The following HECW1 variants were observed in gnomAD, a reference collection of about 807,000 sequenced individuals.
The protein encoded by HECW1 is HECT, C2 and WW domain containing E3 ubiquitin protein ligase 1, also known as E3 ubiquitin-protein ligase HECW1.
A neutral mutation model predicts 182.3 loss-of-function variants in HECW1; 61 were observed. The ratio of observed to expected loss-of-function variants is 0.33; its 90% CI spans 0.27 to 0.41. The LOEUF is 0.41. HECW1 is among the 10% of genes least tolerant of loss of function. The pLI is 1.00. For missense variants in HECW1, 1,739 were observed against 2,108.9 expected, an observed-to-expected ratio of 0.82 and a Z score of 3.44; for synonymous variants, 859 against 832.6, an observed-to-expected ratio of 1.03 and a Z score of -0.55.
intron 5 of HECW1, among the ~76,000 whole-genome samples, chr7:43,342,221 T>C (rs1051453339): frequency 6.6e-6 from 1 of 151,840 alleles, no homozygotes; most frequent in Non-Finnish European, 1.5e-5. Flanking sequence ...TATTTACACT[T>C]AGAGTGGAAT....
chr7:43,531,883 G>A (rs1209633154), intron 24 of HECW1, among the ~76,000 whole-genome samples: 2 of 152,132 alleles, frequency 1.3e-5, no homozygotes, highest in East Asian at 1.9e-4. Flanking sequence ...CCCTGGGTCC[G>A]CCTCTCCATC....
intron 17 of HECW1, among the ~76,000 whole-genome samples, chr7:43,482,772 G>T (rs928631996): frequency 6.6e-6 from 1 of 152,052 alleles, no homozygotes; most frequent in Non-Finnish European, 1.5e-5. Context: ...AGATGTGGTG[G>T]CGTGCACCTG....
At chr7:43,279,777 T>C (rs1343061622) in intron 3 of HECW1, among the ~76,000 whole-genome samples, 1 of 152,160 alleles carries the variant, frequency 6.6e-6, no homozygotes, top group Non-Finnish European at 1.5e-5. Flanking sequence ...TTTTTATTGG[T>C]GTATTTGTTT....
chr7:43,127,452 G>T (rs1262553351), intron 2 of HECW1, among the ~76,000 whole-genome samples: 2 of 149,404 alleles, frequency 1.3e-5, no homozygotes, highest in African/African-American at 2.5e-5. Context: ...GAACCTGGGA[G>T]GCAGAGGTTG....
intron 3 of HECW1, among the ~76,000 whole-genome samples, chr7:43,306,095 C>T (rs1807529377): frequency 6.6e-6 from 1 of 152,032 alleles, no homozygotes; most frequent in African/African-American, 2.4e-5. Flanking sequence ...CGAGGTTTCG[C>T]CATGTTGCCC....
At chr7:43,361,071 TG>T in intron 6 of HECW1, 91 bp downstream of exon 6, 2 of 713,088 alleles carry the variant, frequency 2.8e-6, no homozygotes, top group South Asian at 1.7e-5. Context: ...TGTGTGTGTG[TG>T]TGTGTGTGTG....
intron 6 of HECW1, among the ~76,000 whole-genome samples, chr7:43,387,176 A>G (rs1458887493): frequency 2.6e-5 from 4 of 151,822 alleles, no homozygotes; most frequent in Non-Finnish European, 4.4e-5. Flanking sequence ...CCCCACCACC[A>G]ATCCCATTGT....
chr7:43,513,683 T>A (rs374201161), intron 24 of HECW1, among the ~76,000 whole-genome samples: 1 of 151,014 alleles, frequency 6.6e-6, no homozygotes, highest in Non-Finnish European at 1.5e-5. Flanking sequence ...TGGGTTTTGG[T>A]TTTTTTTTGT....
chr7:43,134,567 G>A (rs1320039187), intron 2 of HECW1, among the ~76,000 whole-genome samples: 1 of 151,968 alleles, frequency 6.6e-6, no homozygotes, highest in Non-Finnish European at 1.5e-5. Context: ...ATGCAGTGGT[G>A]CAATCATAGC....
intron 8 of HECW1, among the ~76,000 whole-genome samples, chr7:43,426,081 T>C (rs1192348593): frequency 1.3e-5 from 2 of 152,174 alleles, no homozygotes; most frequent in Non-Finnish European, 2.9e-5. Flanking sequence ...GCTAACAAGC[T>C]GTCTGATGGG....
In HECW1 at chr7:43,112,652, A is replaced by G. The variant is rs1784710369; in HGVS notation, c.-552A>G. The G allele has an allele frequency of 4.4e-6, 1 of 227,848 alleles. No homozygotes were observed. The highest frequency in any genetic ancestry group is 2.2e-5 in the African/African-American group (1 of 45,062). 14.1% of individuals were successfully genotyped at this position (227,848 alleles called of 1,614,324 possible). ...GAAGTGTGCTGCGTTACCGCGCATC[A>G]GGCGCTGTTGTTGGAGCCGGAACAC... On this transcript the variant is annotated 5_prime_UTR_variant, in exon 1 of 30. Coordinates refer to ENST00000395891, the MANE Select transcript of HECW1 (RefSeq NM_015052.5).
Position 43,444,884 on chromosome 7 carries a change from C to T in HECW1, c.1712C>T (p.Pro571Leu). ...IRIHTLLHSM[P>L]SAQGGSAAEE... ...ATCCACACCCTGCTGCACAGCATGC[C>T]CTCCGCCCAGGGCGGCAGCGCGGCA... The change falls in exon 11 of 30, where the codon CCC becomes CTC. Residue 571 changes from proline to leucine, a missense_variant. Physicochemically the swap from Pro to Leu is moderately conservative, Grantham distance 98. Coordinates refer to ENST00000395891, the MANE Select transcript of HECW1 (RefSeq NM_015052.5). The surrounding 1 kb of genome is among the most constrained non-coding windows in gnomAD (Gnocchi z 4.3). 3.7e-6 allele frequency: 6 copies of T among 1,607,370 alleles called. No individual in the cohort carries two copies. The highest frequency in any genetic ancestry group is 1.1e-5 in the South Asian group (1 of 90,532).
At chr7:43,137,756 C>T (rs917713051) in intron 2 of HECW1, among the ~76,000 whole-genome samples, 1 of 151,836 alleles carries the variant, frequency 6.6e-6, no homozygotes, top group Non-Finnish European at 1.5e-5. Context: ...CACCATGTTG[C>T]TCAGGCTGGT....
At chr7:43,522,367 T>C (rs956858633) in intron 24 of HECW1, 1 of 152,214 alleles carries the variant, frequency 6.6e-6, no homozygotes, top group Non-Finnish European at 1.5e-5. Context: ...GATTCCCTGC[T>C]AGTCCATCCA....
At chr7:43,161,138 A>G (rs184577993) in intron 2 of HECW1, among the ~76,000 whole-genome samples, 1 of 152,188 alleles carries the variant, frequency 6.6e-6, no homozygotes, top group Admixed American at 6.5e-5. Flanking sequence ...GTCATGACTG[A>G]TTGGGAATGA....
At chr7:43,481,655 A>G (rs765546825) in intron 17 of HECW1, among the ~76,000 whole-genome samples, 17 of 152,226 alleles carry the variant, frequency 1.1e-4, no homozygotes, top group Admixed American at 7.9e-4. Context: ...ATCATTTGCC[A>G]TAACATGTAT....
rs189895368 is a variant in HECW1 at position 43,531,347 on chromosome 7, T to G, written c.4020-9816T>G. Among the ~76,000 whole-genome samples the G allele has an allele frequency of 4.7e-4, 71 of 152,280 alleles. 1 individual carries two copies. In the Middle Eastern group the frequency reaches 0.014, roughly 29 times the overall value. Reference sequence around the variant, plus strand: ...CTTCTCTTCACCACTTGCTCTGTGGTGATGAGATACTGCATTGCTGTGTCT... The same window carrying G: ...CTTCTCTTCACCACTTGCTCTGTGGGGATGAGATACTGCATTGCTGTGTCT... On this transcript the variant is annotated intron_variant, in intron 24 of 29. Transcript: ENST00000395891.
intron 2 of HECW1, among the ~76,000 whole-genome samples, chr7:43,224,342 G>A (rs1166212111): frequency 6.6e-6 from 1 of 152,160 alleles, no homozygotes; most frequent in East Asian, 1.9e-4. Context: ...AGGCACTGAT[G>A]TACAAACAAG....
In HECW1 at chr7:43,445,551, T is replaced by G. The variant is rs1177296318; in HGVS notation, c.2379T>G (p.Gly793=). Residue 793 remains glycine (G), a synonymous_variant, in exon 11 of 30, where the codon GGT becomes GGG. Transcript: ENST00000395891. ...SPEGLESPVA[G]PSNRREGECP... is the part of the protein sequence containing the mutation. Reference sequence around the variant, plus strand: ...AAGGTCTGGAATCCCCCGTGGCAGGTCCAAGCAATCGGAGAGAAGGTTAGA... The same window carrying G: ...AAGGTCTGGAATCCCCCGTGGCAGGGCCAAGCAATCGGAGAGAAGGTTAGA... 6 of 1,594,916 alleles carry G rather than the reference T, an allele frequency of 3.8e-6. No homozygotes were observed. Among genetic ancestry groups the G allele is most frequent in the Non-Finnish European group, 4.3e-6 (5 of 1,167,554 alleles).
Sources: allele counts gnomAD v4.1 joint callset (sites outside exome capture counted in the v4.1 genomes callset), GRCh38; gene constraint gnomAD v4.1.1; non-coding constraint Gnocchi (gnomAD v3.1); transcripts MANE v1.5; gene names NCBI Gene and HGNC (gene_info 2026-07-23, HGNC 2026-07-21).